LAMC1: variants seen among roughly 807,000 people sequenced by gnomAD.
LAMC1 encodes laminin subunit gamma 1.
Under a neutral mutation model 173.6 loss-of-function variants are expected in LAMC1, and 38 were observed. That is an observed-to-expected ratio of 0.22 (90% CI 0.17 to 0.29). The LOEUF is 0.29. Ranked by LOEUF, LAMC1 falls within the 10% of genes least tolerant of loss-of-function variation. The probability of loss-of-function intolerance (pLI) is 1.00; values close to 1 mark genes in which losing one functional copy is unlikely to be tolerated. For synonymous variants in LAMC1, 746 were observed against 749.1 expected, an observed-to-expected ratio of 1.00 and a Z score of 0.07; for missense variants, 1,824 against 2,051.8, an observed-to-expected ratio of 0.89 and a Z score of 2.14.
At chr1:183,137,129 G>A (rs1656967494) in intron 25 of LAMC1, among the ~76,000 whole-genome samples, 1 of 152,134 alleles carries the variant, frequency 6.6e-6, no homozygotes, top group Non-Finnish European at 1.5e-5. Flanking sequence ...AGAGATTGGA[G>A]CAATTTTAGA....
chr1:183,103,256 T>C, intron 1 of LAMC1, 72 bp from the exon 2 acceptor site: 1 of 1,396,270 alleles, frequency 7.2e-7, no homozygotes, highest in Non-Finnish European at 9.9e-7. Flanking sequence ...AGTTCCAAAC[T>C]AAGCTGGGAA....
chr1:183,071,726 TG>T (rs762227815), intron 1 of LAMC1, among the ~76,000 whole-genome samples: 8 of 152,218 alleles, frequency 5.3e-5, no homozygotes, highest in Admixed American at 2.0e-4. Context: ...TCCTTTTTAT[TG>T]GTGATTTCAC....
chr1:183,103,400 A>G lies in LAMC1; in HGVS notation c.491A>G (p.Lys164Arg). ...TSRPESFAIY[K>R]RTREDGPWIP... ...CGCCCGGAGAGCTTTGCCATTTACA[A>G]GCGCACACGGGAAGACGGGCCCTGG... Residue 164 changes from lysine (K) to arginine (R), a missense_variant, in exon 2 of 28, where the codon AAG (lysine) becomes AGG (arginine). Transcript: ENST00000258341. The G allele has an allele frequency of 2.5e-6, 4 of 1,614,152 alleles. No individual in the cohort carries two copies. Among genetic ancestry groups the G allele is most frequent in the Non-Finnish European group, 3.4e-6 (4 of 1,180,030 alleles).
chr1:183,053,902 A>G (rs1052194698), intron 1 of LAMC1, among the ~76,000 whole-genome samples: 4 of 152,214 alleles, frequency 2.6e-5, no homozygotes, highest in African/African-American at 9.6e-5. Flanking sequence ...CTAGGATTAC[A>G]GGTGTGAGCC....
rs201120290 is a variant in LAMC1 at position 183,128,711 on chromosome 1, G to A, written c.3241G>A (p.Glu1081Lys). 4.3e-6 allele frequency: 7 copies of A among 1,613,476 alleles called. No individual in the cohort carries two copies. Among genetic ancestry groups the A allele is most frequent in the Non-Finnish European group, 5.1e-6 (6 of 1,179,576 alleles). The change falls in exon 18 of 28, where the codon GAA (glutamate) becomes AAA (lysine). Residue 1081 changes from glutamate to lysine, a missense_variant. By Grantham distance (56) the Glu-to-Lys change is moderately conservative (BLOSUM62 1). Coordinates refer to ENST00000258341, the MANE Select transcript of LAMC1 (RefSeq NM_002293.4). ...FEDRLKEAER[E>K]VMDLLREAQD... ...GGATAGACTAAAGGAAGCAGAGAGG[G>A]AAGTTATGGACCTCCTTCGTGAGGC...
At chr1:183,079,234 T>G (rs1272526906) in intron 1 of LAMC1, among the ~76,000 whole-genome samples, 4 of 5,768 alleles carry the variant, frequency 6.9e-4, no homozygotes, top group Non-Finnish European at 1.6e-3. Context: ...CTAATCTGGT[T>G]TTTTTTTTTT....
At chr1:183,128,404 G>A (rs569543135) in intron 17 of LAMC1, among the ~76,000 whole-genome samples, 190 bp from the exon 18 acceptor site, 11 of 151,548 alleles carry the variant, frequency 7.3e-5, no homozygotes, top group Admixed American at 2.0e-4. Context: ...CATGGCACAT[G>A]TATACATATG....
rs148162565 is a variant in LAMC1, at chr1:183,114,544, T to C, written c.1035T>C (p.Asn345=). ...SASECLPCDC[N]GRSQECYFDP... ...TTTGACTGACAGCCTGTGATTGCAA[T>C]GGTCGATCCCAGGAATGCTACTTCG... Residue 345 remains asparagine (N), a synonymous_variant, in exon 5 of 28, where the codon AAT becomes AAC. Coordinates refer to ENST00000258341, the MANE Select transcript of LAMC1 (RefSeq NM_002293.4). The C allele has an allele frequency of 1.5e-4, 235 of 1,614,210 alleles. No homozygotes were observed. The East Asian group carries it at 5.0e-3, about 34-fold the overall frequency.
At chr1:183,105,224 CAAA>C (rs35512159) in intron 2 of LAMC1, among the ~76,000 whole-genome samples, 1 of 42,852 alleles carries the variant, frequency 2.3e-5, no homozygotes, top group African/African-American at 8.9e-5. Flanking sequence ...GACTCCATCT[CAAA>C]AAAAAAAAAA....
At chr1:183,126,337 T>C (rs1656619429) in intron 16 of LAMC1, 75 bp downstream of exon 16, 3 of 1,523,980 alleles carry the variant, frequency 2.0e-6, no homozygotes, top group Non-Finnish European at 2.7e-6. Flanking sequence ...GAAAGGACTT[T>C]GACAGCCTCA....
chr1:183,095,281 C>G (rs1174809568), intron 1 of LAMC1, among the ~76,000 whole-genome samples: 1 of 152,074 alleles, frequency 6.6e-6, no homozygotes, highest in Non-Finnish European at 1.5e-5. Flanking sequence ...TAGTCTATTA[C>G]TATACCACCG....
chr1:183,119,504 GAATCCTGGA>G (rs1443996997), intron 11 of LAMC1, among the ~76,000 whole-genome samples: 1 of 152,128 alleles, frequency 6.6e-6, no homozygotes, highest in African/African-American at 2.4e-5. Flanking sequence ...AAGAAGGATG[GAATCCTGGA>G]AACAGTTAAG....
chr1:183,116,603 G>C lies in LAMC1; in HGVS notation c.1355G>C (p.Ser452Thr), dbSNP rs1176113807. 1 of 1,611,910 alleles carries C rather than the reference G, an allele frequency of 6.2e-7. No individual in the cohort carries two copies. Among genetic ancestry groups the C allele is most frequent in the African/African-American group, 1.3e-5 (1 of 74,894 alleles). ...CRPCSCDPSG[S>T]IDECNIETGR... ...CCATGCTCTTGTGATCCCTCTGGCAGCATAGATGAATGTAATATTGAAACA... is the reference window on the plus strand; with the variant it reads ...CCATGCTCTTGTGATCCCTCTGGCACCATAGATGAATGTAATATTGAAACA... Residue 452 changes from serine to threonine, a missense_variant, in exon 7 of 28, where the codon AGC (serine) becomes ACC (threonine). Physicochemically the swap from Ser to Thr is moderately conservative, Grantham distance 58. Coordinates refer to ENST00000258341, the MANE Select transcript of LAMC1 (RefSeq NM_002293.4).
intron 1 of LAMC1, among the ~76,000 whole-genome samples, chr1:183,094,136 T>C (rs1352847435): frequency 6.6e-6 from 1 of 152,156 alleles, no homozygotes; most frequent in Non-Finnish European, 1.5e-5. Flanking sequence ...TCCACCTTAC[T>C]CACTGCTGCT....
chr1:183,039,465 A>G (rs1300840727), intron 1 of LAMC1, among the ~76,000 whole-genome samples: 1 of 152,240 alleles, frequency 6.6e-6, no homozygotes, highest in Non-Finnish European at 1.5e-5. Context: ...ATTGGAGACT[A>G]TAAATTCTTA....
At chr1:183,036,939 C>A (rs988424315) in intron 1 of LAMC1, among the ~76,000 whole-genome samples, 1 of 152,086 alleles carries the variant, frequency 6.6e-6, no homozygotes, top group Admixed American at 6.5e-5. Context: ...CCACGCCCGG[C>A]TAATTTTTGT....
chr1:183,052,432 C>T (rs1654455061), intron 1 of LAMC1, among the ~76,000 whole-genome samples: 1 of 152,042 alleles, frequency 6.6e-6, no homozygotes, highest in Non-Finnish European at 1.5e-5. Context: ...CTCCTGGGTT[C>T]AAGCAGTTCT....
chr1:183,085,193 G>C (rs1159297527), intron 1 of LAMC1, among the ~76,000 whole-genome samples: 2 of 151,610 alleles, frequency 1.3e-5, no homozygotes, highest in Admixed American at 6.6e-5. Flanking sequence ...CCTCCAGCCT[G>C]GGCAACAGAG....
intron 1 of LAMC1, among the ~76,000 whole-genome samples, chr1:183,094,072 A>G (rs60923115): frequency 1.3e-5 from 2 of 152,230 alleles, no homozygotes; most frequent in South Asian, 2.1e-4. Flanking sequence ...AGAGCCCTCC[A>G]TGTTGGCATT....
Sources: gnomAD v4.1 joint callset for allele counts (sites outside exome capture counted in the v4.1 genomes callset) on GRCh38, gnomAD v4.1.1 for gene constraint, MANE v1.5 for transcripts, NCBI Gene and HGNC (gene_info 2026-07-23, HGNC 2026-07-21) for gene names.